The following ADAMTS13 variants were observed in gnomAD, a reference collection of about 807,000 sequenced individuals.
ADAMTS13 encodes the protein ADAM metallopeptidase with thrombospondin type 1 motif 13.
In ADAMTS13, 110 loss-of-function variants were observed where a neutral mutation model predicts 155.1. The ratio of observed to expected loss-of-function variants is 0.71; its 90% confidence interval spans 0.61 to 0.83. The LOEUF is 0.83. ADAMTS13 is among the 40% of genes least tolerant of loss of function. The pLI is 0.00. For missense variants in ADAMTS13, 1,707 were observed against 1,891.7 expected (o/e 0.90, Z 1.81); for synonymous variants, 758 against 756.4 (o/e 1.00, Z -0.03).
At position 133,459,279 on chromosome 9, in the gene ADAMTS13, A is replaced by G. The variant is rs1564449560; in HGVS notation, c.*99A>G. On this transcript the variant is annotated 3_prime_UTR_variant, in exon 29 of 29. Coordinates refer to ENST00000355699, the MANE Select transcript of ADAMTS13 (RefSeq NM_139027.6). ...GAACTTTTTCCAATCTTAGGTATCT[A>G]CTTTAGAGTCTTCTCCAATGTCCAA... 1 of 1,222,090 alleles carries G rather than the reference A, an allele frequency of 8.2e-7. No homozygotes were observed. The highest frequency in any genetic ancestry group is 2.5e-5 in the East Asian group (1 of 39,482). The allele number at this position is 1,222,090 out of a possible 1,614,324, so 75.7% of individuals were successfully genotyped here.
In ADAMTS13 at chr9:133,430,037, A is replaced by G; in HGVS notation, c.923A>G (p.Asn308Ser). Residue 308 changes from asparagine to serine, a missense_variant, in exon 8 of 29, where the codon AAC becomes AGC. Asn to Ser is a conservative substitution (Grantham distance 46, BLOSUM62 1). Coordinates refer to ENST00000355699, the MANE Select transcript of ADAMTS13 (RefSeq NM_139027.6). ...CAGCCTGGCCTCTACTACAGCGCCA[A>G]CGAGCAGTGCCGCGTGGCCTTCGGC... Reference protein sequence around the residue: ...DAQPGLYYSANEQCRVAFGPK... With the variant: ...DAQPGLYYSASEQCRVAFGPK... The G allele has an allele frequency of 6.3e-7, 1 of 1,595,526 alleles. No homozygotes were observed. The highest frequency in any genetic ancestry group is 1.1e-5 in the South Asian group (1 of 89,784).
Position 133,445,537 on chromosome 9 carries a change from C to T in ADAMTS13, c.2611-162C>T, listed in dbSNP as rs373656216. On this transcript the variant is annotated intron_variant, in intron 20 of 28. Transcript: ENST00000355699. The surrounding 1 kb of genome is among the most constrained non-coding windows in gnomAD (Gnocchi z 5.0). ...GGGTGTGCAGCAAGGATACCCGCTG[C>T]GAGACCGGGGAGCCGATCTCGCCAA... is the stretch of plus-strand genomic sequence containing the variant. Among the ~76,000 whole-genome samples, 1 of 152,310 alleles carries T rather than the reference C, an allele frequency of 6.6e-6. No homozygotes were observed. The highest frequency in any genetic ancestry group is 6.5e-5 in the Admixed American group (1 of 15,314).
upstream of ADAMTS13, chr9:133,421,968 G>A (rs1564405091): frequency 1.1e-5 from 2 of 178,886 alleles, no homozygotes; most frequent in South Asian, 1.4e-4. Flanking sequence ...CTCATCAGGC[G>A]CAGGCACAGA....
upstream of ADAMTS13, among the ~76,000 whole-genome samples, chr9:133,421,156 C>A (rs1283321035): frequency 6.6e-6 from 1 of 152,220 alleles, no homozygotes; most frequent in Non-Finnish European, 1.5e-5. Context: ...ATCCCAGCCA[C>A]AAGGGAGGCT....
upstream of ADAMTS13, among the ~76,000 whole-genome samples, chr9:133,417,014 T>C (rs1839663844): frequency 6.6e-6 from 1 of 152,216 alleles, no homozygotes; most frequent in Admixed American, 6.5e-5. Context: ...GTGTGTTCTT[T>C]CGTTGTTGTT....
In ADAMTS13 at chr9:133,440,324, C is replaced by G. The variant is rs1554790322; in HGVS notation, c.1787-20C>G. ...TGGGTGCTCAGCTCCACACAGCTAA[C>G]AGGGCTGGTTCCCCGACAGCGGTGA... On this transcript the variant is annotated intron_variant, in intron 15 of 28. Transcript: ENST00000355699. This position sits in a 1 kb window ranked among gnomAD's most constrained non-coding sequence, Gnocchi z 4.3. The G allele has an allele frequency of 1.2e-6, 2 of 1,613,788 alleles. No individual in the cohort carries two copies. The highest frequency in any genetic ancestry group is 1.7e-6 in the Non-Finnish European group (2 of 1,180,014).
intron 7 of ADAMTS13, chr9:133,429,737 C>A: frequency 1.3e-6 from 1 of 756,208 alleles, no homozygotes; most frequent in Non-Finnish European, 2.3e-6. Flanking sequence ...GCTGGCCACC[C>A]ACCTCTGCGC....
rs975078627 is a variant in ADAMTS13 at position 133,445,558 on chromosome 9, G to A, written c.2611-141G>A. 17 of 1,350,732 alleles carry A rather than the reference G, an allele frequency of 1.3e-5. No homozygotes were observed. The highest frequency in any genetic ancestry group is 2.5e-4 in the Middle Eastern group (1 of 4,002). 83.7% of individuals were successfully genotyped at this position (1,350,732 alleles called of 1,614,324 possible). A position where few individuals can be genotyped will look rare whatever the true frequency, so the allele number is the denominator to read the frequency against. On this transcript the variant is annotated intron_variant, in intron 20 of 28. Coordinates refer to ENST00000355699, the MANE Select transcript of ADAMTS13 (RefSeq NM_139027.6). The surrounding 1 kb of genome is among the most constrained non-coding windows in gnomAD (Gnocchi z 5.0). ...GCTGCGAGACCGGGGAGCCGATCTCGCCAAGGGAGGAGGGGAGGGAGCCCC... is the reference window on the plus strand; with the variant it reads ...GCTGCGAGACCGGGGAGCCGATCTCACCAAGGGAGGAGGGGAGGGAGCCCC...
At chr9:133,430,693 C>T (rs1840688056) in intron 8 of ADAMTS13, among the ~76,000 whole-genome samples, 1 of 139,684 alleles carries the variant, frequency 7.2e-6, no homozygotes. Context: ...TTTTTTTTTC[C>T]TATTTTTTTT....
At chr9:133,420,405 A>G (rs1554782771), upstream of ADAMTS13, among the ~76,000 whole-genome samples, 1 of 152,210 alleles carries the variant, frequency 6.6e-6, no homozygotes, top group African/African-American at 2.4e-5. Context: ...CAGTTTGTAA[A>G]CCAGGGCAAT....
At position 133,445,682 on chromosome 9, in the gene ADAMTS13, G is replaced by T; in HGVS notation, c.2611-17G>T. The T allele has an allele frequency of 6.2e-7, 1 of 1,612,804 alleles. No homozygotes were observed. The highest frequency in any genetic ancestry group is 8.5e-7 in the Non-Finnish European group (1 of 1,179,848). Reference sequence around the variant, plus strand: ...AGAGGAGGCCCAGACCCACCAGCTTGTTGCTATTCCCCACAGCTGGATGCC... The same window carrying T: ...AGAGGAGGCCCAGACCCACCAGCTTTTTGCTATTCCCCACAGCTGGATGCC... On this transcript the variant is annotated splice_polypyrimidine_tract_variant and intron_variant, in intron 20 of 28. Coordinates refer to ENST00000355699, the MANE Select transcript of ADAMTS13 (RefSeq NM_139027.6). This position sits in a 1 kb window ranked among gnomAD's most constrained non-coding sequence, Gnocchi z 5.0.
Position 133,432,580 on chromosome 9 carries a change from C to T in ADAMTS13, c.988-8C>T, listed in dbSNP as rs1840849665. On this transcript the variant is annotated splice_polypyrimidine_tract_variant and splice_region_variant and intron_variant, in intron 8 of 28. Coordinates refer to ENST00000355699, the MANE Select transcript of ADAMTS13 (RefSeq NM_139027.6). ...CTGAGCTCGCCACCCACCTGTCCAC[C>T]CTCCTAGGATATGTGCCAGGCCCTC... 6 of 1,550,222 alleles carry T rather than the reference C, an allele frequency of 3.9e-6. No homozygotes were observed. The highest frequency in any genetic ancestry group is 4.4e-6 in the Non-Finnish European group (5 of 1,147,092).
upstream of ADAMTS13, chr9:133,417,865 G>C (rs782388155): frequency 6.3e-7 from 1 of 1,593,142 alleles, no homozygotes; most frequent in South Asian, 1.1e-5. Flanking sequence ...TCCAGCGCCT[G>C]GGCCGGCGGC....
In ADAMTS13 at chr9:133,446,651, C is replaced by G. The variant is rs36221906; in HGVS notation, c.2731+832C>G. ...TCTGTGAACATGGGTGTGCAAATAT[C>G]TGTTTGAGTTCCTGCTTTCAGTTCT... On this transcript the variant is annotated intron_variant, in intron 21 of 28. Transcript: ENST00000355699. Among the ~76,000 whole-genome samples the G allele has an allele frequency of 2.3e-3, 351 of 152,288 alleles. 2 individuals carry two copies. Among genetic ancestry groups the G allele is most frequent in the African/African-American group, 8.2e-3 (339 of 41,572 alleles).
intron 22 of ADAMTS13, among the ~76,000 whole-genome samples, chr9:133,449,577 T>C (rs1842300508): frequency 6.6e-6 from 1 of 152,102 alleles, no homozygotes. Flanking sequence ...ACCTTTCTCT[T>C]CTGTAAAATG....
intron 23 of ADAMTS13, among the ~76,000 whole-genome samples, chr9:133,451,839 C>G (rs1236240349): frequency 7.6e-6 from 1 of 131,190 alleles, no homozygotes; most frequent in Non-Finnish European, 1.5e-5. Context: ...CTGCAGTGAG[C>G]AGAGATCACA....
At chr9:133,449,517 G>A (rs1368224483) in intron 22 of ADAMTS13, among the ~76,000 whole-genome samples, 2 of 152,104 alleles carry the variant, frequency 1.3e-5, no homozygotes, top group Non-Finnish European at 2.9e-5. Context: ...TTGGGTGCCC[G>A]GACCCCTGCC....
At chr9:133,455,157 A>G in intron 24 of ADAMTS13, 128 bp from the exon 25 acceptor site, 1 of 1,027,872 alleles carries the variant, frequency 9.7e-7, no homozygotes. Flanking sequence ...CATCTGTGGA[A>G]TGGAGACACT....
intron 21 of ADAMTS13, among the ~76,000 whole-genome samples, chr9:133,446,315 C>G (rs1842062216): frequency 6.6e-6 from 1 of 152,230 alleles, no homozygotes; most frequent in African/African-American, 2.4e-5. Context: ...AACTGGAGCT[C>G]TGTCCCTGTG....
Sources: gnomAD v4.1 joint callset for allele counts (sites outside exome capture counted in the v4.1 genomes callset) on GRCh38, gnomAD v4.1.1 for gene constraint, Gnocchi (gnomAD v3.1) non-coding constraint, MANE v1.5 for transcripts, NCBI Gene and HGNC (gene_info 2026-07-23, HGNC 2026-07-21) for gene names.